Variants in SUFU observed in about 807,000 individuals in gnomAD.
SUFU encodes the protein SUFU negative regulator of hedgehog signaling, also known as suppressor of fused homolog.
In SUFU, 7 loss-of-function variants were observed where a neutral mutation model predicts 58.9. That is an observed-to-expected ratio of 0.12 (90% CI 0.07 to 0.22). The LOEUF (loss-of-function observed/expected upper bound fraction) is 0.22, where lower values mean the gene tolerates loss of function less well. SUFU is among the 10% of genes least tolerant of loss of function. The probability of loss-of-function intolerance (pLI) is 1.00; values close to 1 mark genes in which losing one functional copy is unlikely to be tolerated. For synonymous variants in SUFU, 232 were observed against 254.8 expected, an observed-to-expected ratio of 0.91 and a Z score of 0.85; for missense variants, 451 against 641.3, an observed-to-expected ratio of 0.70 and a Z score of 3.20.
At chr10:102,520,728 A>T (rs2062541661) in intron 2 of SUFU, among the ~76,000 whole-genome samples, 1 of 152,186 alleles carries the variant, frequency 6.6e-6, no homozygotes, top group South Asian at 2.1e-4. Flanking sequence ...ATAGTATGTA[A>T]CTTTTGCAGA....
Position 102,550,029 on chromosome 10 carries a change from G to C in SUFU, c.377G>C (p.Arg126Thr). 1 of 1,614,204 alleles carries C rather than the reference G, an allele frequency of 6.2e-7. No homozygotes were observed. The highest frequency in any genetic ancestry group is 1.3e-5 in the African/African-American group (1 of 75,066). ...TTTGAGTTGACCTTTCGTCTGAAGA[G>C]AGAAACTGGGGAGTCTGCCCCACCA... Reference protein sequence around the residue: ...FGFELTFRLKRETGESAPPTW... With the variant: ...FGFELTFRLKTETGESAPPTW... Residue 126 changes from arginine (R) to threonine (T), a missense_variant, in exon 3 of 12, where the codon AGA becomes ACA. Arg to Thr is a moderately conservative substitution (Grantham distance 71, BLOSUM62 -1). Coordinates refer to ENST00000369902, the MANE Select transcript of SUFU (RefSeq NM_016169.4).
At chr10:102,572,711 G>T in intron 3 of SUFU, 1 of 692,766 alleles carries the variant, frequency 1.4e-6, no homozygotes, top group Non-Finnish European at 2.7e-6. Flanking sequence ...TTGTTGTTAT[G>T]GTGAAAAGAT....
intron 1 of SUFU, among the ~76,000 whole-genome samples, chr10:102,507,456 C>T (rs993342316): frequency 2.0e-5 from 3 of 152,218 alleles, no homozygotes; most frequent in South Asian, 4.1e-4. Flanking sequence ...CCTTGCCCCA[C>T]AAACTTTTCT....
intron 2 of SUFU, among the ~76,000 whole-genome samples, chr10:102,518,558 T>TA (rs754964150): frequency 7.2e-5 from 11 of 152,092 alleles, no homozygotes; most frequent in Non-Finnish European, 1.2e-4. Context: ...TTTATTTATT[T>TA]ATTTTTGACA....
intron 2 of SUFU, among the ~76,000 whole-genome samples, chr10:102,526,659 A>G (rs1046704934): frequency 1.3e-5 from 2 of 152,174 alleles, no homozygotes; most frequent in Non-Finnish European, 1.5e-5. Flanking sequence ...GTAATCAGTG[A>G]TGGCTTCCTT....
At chr10:102,521,884 TTG>T in intron 2 of SUFU, among the ~76,000 whole-genome samples, 1 of 152,236 alleles carries the variant, frequency 6.6e-6, no homozygotes, top group African/African-American at 2.4e-5. Flanking sequence ...ACTAAAAATG[TTG>T]GGAATTAGAA....
intron 3 of SUFU, among the ~76,000 whole-genome samples, chr10:102,562,719 C>T (rs2063051031): frequency 1.3e-5 from 2 of 152,040 alleles, no homozygotes; most frequent in African/African-American, 4.8e-5. Flanking sequence ...GGTGAAACCT[C>T]ATCTCTACTG....
chr10:102,551,370 G>A (rs2062913040), intron 3 of SUFU, among the ~76,000 whole-genome samples: 1 of 152,136 alleles, frequency 6.6e-6, no homozygotes, highest in Admixed American at 6.5e-5. Flanking sequence ...AGGCACAGTG[G>A]CTCACGCCTG....
chr10:102,509,350 TC>T, intron 2 of SUFU, 47 bp downstream of exon 2: 1 of 1,609,558 alleles, frequency 6.2e-7, no homozygotes, highest in Non-Finnish European at 8.5e-7. Context: ...ATTCCTGAGG[TC>T]TTCCTGAGCA....
intron 2 of SUFU, among the ~76,000 whole-genome samples, chr10:102,516,927 CAG>C (rs2062477865): frequency 6.7e-6 from 1 of 149,100 alleles, no homozygotes; most frequent in Non-Finnish European, 1.5e-5. Flanking sequence ...AGTTCGAGAC[CAG>C]CCTGGCCAAC....
intron 3 of SUFU, among the ~76,000 whole-genome samples, chr10:102,563,540 C>T (rs2063059523): frequency 6.6e-6 from 1 of 151,802 alleles, no homozygotes; most frequent in African/African-American, 2.4e-5. Context: ...GGTGTGGTGG[C>T]TTATACGTGT....
chr10:102,603,226 A>G (rs972561099), intron 8 of SUFU, among the ~76,000 whole-genome samples: 1 of 152,098 alleles, frequency 6.6e-6, no homozygotes, highest in African/African-American at 2.4e-5. Context: ...TGGTGGCAAG[A>G]TCATAGCTCA....
At chr10:102,539,664 C>G (rs1273764347) in intron 2 of SUFU, among the ~76,000 whole-genome samples, 1 of 152,126 alleles carries the variant, frequency 6.6e-6, no homozygotes, top group Non-Finnish European at 1.5e-5. Context: ...TTTCTACATT[C>G]ATTCATTGAT....
At position 102,504,203 on chromosome 10, in the gene SUFU, C is replaced by T. The variant is rs1450764224; in HGVS notation, c.51C>T (p.Ala17=). The change falls in exon 1 of 12, where the codon GCC becomes GCT. Residue 17 remains alanine, a synonymous_variant. Transcript: ENST00000369902. The stretch of plus-strand genomic sequence containing the variant: ...CCCCCGGCCCCACCGCGCCCCCGGC[C>T]CCTGGCCCGACTGCCCCCCCGGCCT... ...SGAPGPTAPP[A]PGPTAPPAFA... is the part of the protein sequence containing the mutation. 3 of 1,595,116 alleles carry T rather than the reference C, an allele frequency of 1.9e-6. No homozygotes were observed. The highest frequency in any genetic ancestry group is 2.2e-5 in the South Asian group (2 of 89,034).
intron 8 of SUFU, among the ~76,000 whole-genome samples, chr10:102,604,901 T>C (rs987031712): frequency 6.6e-6 from 1 of 150,914 alleles, no homozygotes; most frequent in African/African-American, 2.4e-5. Context: ...CTTTGGGATA[T>C]TCCCGATGAA....
In SUFU at chr10:102,582,982, C is replaced by G. The variant is rs149045673; in HGVS notation, c.455-9600C>G. 3.5e-3 allele frequency among the ~76,000 whole-genome samples: 538 copies of G among 152,262 alleles called. 3 individuals carry two copies. The highest frequency in any genetic ancestry group is 6.6e-3 in the Non-Finnish European group (452 of 68,004). On this transcript the variant is annotated intron_variant, in intron 3 of 11. Transcript: ENST00000369902. ...GAGAGAGGAAGCCAGCTCCTGTAAC[C>G]GCTGGACTGAACAGCTGGGCCTCTA...
Position 102,619,087 on chromosome 10 carries a change from T to C in SUFU, c.1296+1659T>C, listed in dbSNP as rs2063717427. 2 of 1,612,604 alleles carry C rather than the reference T, an allele frequency of 1.2e-6. No homozygotes were observed. The highest frequency in any genetic ancestry group is 1.7e-6 in the Non-Finnish European group (2 of 1,179,858). ...TCAGCTCTGAACCTATCCTCGGAGC[T>C]CTGCCCTCCCGTCCTGGAACGTCTT... On this transcript the variant is annotated intron_variant, in intron 10 of 11. Coordinates refer to ENST00000369902, the MANE Select transcript of SUFU (RefSeq NM_016169.4). The surrounding 1 kb of genome is among the most constrained non-coding windows in gnomAD (Gnocchi z 4.2).
chr10:102,593,755 CTGG>C, intron 5 of SUFU, 34 bp downstream of exon 5: 1 of 1,606,506 alleles, frequency 6.2e-7, no homozygotes, highest in Non-Finnish European at 8.5e-7. Flanking sequence ...GCGCGGCTCC[CTGG>C]GCCTGGGGGT....
At chr10:102,545,978 A>G (rs1308969044) in intron 2 of SUFU, among the ~76,000 whole-genome samples, 1 of 152,188 alleles carries the variant, frequency 6.6e-6, no homozygotes, top group African/African-American at 2.4e-5. Context: ...GGTCTCACAT[A>G]TAAATAAATA....
Sources: gnomAD v4.1 joint callset for allele counts (sites outside exome capture counted in the v4.1 genomes callset) on GRCh38, gnomAD v4.1.1 for gene constraint, Gnocchi (gnomAD v3.1) non-coding constraint, MANE v1.5 for transcripts, NCBI Gene and HGNC (gene_info 2026-07-23, HGNC 2026-07-21) for gene names.